SCML2: variants seen among roughly 807,000 people sequenced by gnomAD.
The protein encoded by SCML2 is Scm polycomb group protein like 2, also known as sex comb on midleg-like protein 2.
A neutral mutation model predicts 48.4 loss-of-function variants in SCML2; 6 were observed. That is an observed-to-expected ratio of 0.12 (90% CI 0.07 to 0.24). The LOEUF (loss-of-function observed/expected upper bound fraction) is 0.24. SCML2 is among the 10% of genes least tolerant of loss of function. The pLI, the probability that SCML2 is intolerant of heterozygous loss-of-function variation, is 1.00. For missense variants in SCML2, 377 were observed against 528.2 expected, an observed-to-expected ratio of 0.71 and a Z score of 2.81; for synonymous variants, 181 against 189.5, an observed-to-expected ratio of 0.95 and a Z score of 0.37.
In SCML2 at chrX:18,331,259, CAAAAAAAAAAAAAAAA is replaced by C. The variant is rs35589774; in HGVS notation, c.23-620_23-605del. On this transcript the variant is annotated intron_variant, in intron 2 of 14. Transcript: ENST00000251900. ...TGGGTGACAGAGCGAGACTCCGTCT[CAAAAAAAAAAAAAAAA>C]AAAAAAAAAAAAAAATCAGTGCATC... is the stretch of plus-strand genomic sequence containing the variant. Among the ~76,000 whole-genome samples, 142 of 16,265 alleles carry C rather than the reference CAAAAAAAAAAAAAAAA, an allele frequency of 8.7e-3. 1 individual carries two copies. Among genetic ancestry groups the C allele is most frequent in the Middle Eastern group, 0.17 (2 of 12 alleles). 14.1% of individuals were successfully genotyped at this position (16,265 alleles called of 115,157 possible). A position where few individuals can be genotyped will look rare whatever the true frequency, so the allele number is the denominator to read the frequency against.
rs369488433 is a variant in SCML2 at position 18,250,918 on chromosome X, T to A, written c.1457-3036A>T. On this transcript the variant is annotated intron_variant, in intron 11 of 14. Transcript: ENST00000251900. ...AAGGCAAAGGAGGAGCAAAGGCACG[T>A]CTTACATGGCAGCAGGCGGAAGTGC... 8.2e-5 allele frequency among the ~76,000 whole-genome samples: 9 copies of A among 109,837 alleles called. No individual in the cohort carries two copies. The South Asian group carries it at 2.4e-3, about 30-fold the overall frequency.
At chrX:18,333,930 C>A (rs1172395812) in intron 2 of SCML2, 120 bp downstream of exon 2, 2 of 549,106 alleles carry the variant, frequency 3.6e-6, no homozygotes, top group Non-Finnish European at 5.6e-6. Context: ...ATTCTAAGCA[C>A]CTAGCATCTC....
chrX:18,265,556 A>C, intron 8 of SCML2, 29 bp downstream of exon 8: 1 of 1,087,796 alleles, frequency 9.2e-7, no homozygotes. Context: ...AAAAACCTAT[A>C]ATACAAATTA....
At chrX:18,250,976 T>A (rs1157349738) in intron 11 of SCML2, among the ~76,000 whole-genome samples, 1 of 109,829 alleles carries the variant, frequency 9.1e-6, no homozygotes, top group African/African-American at 3.3e-5. Context: ...TATAAAACCA[T>A]CAGATCTCAT....
At chrX:18,335,567 G>C (rs1376703479) in intron 1 of SCML2, among the ~76,000 whole-genome samples, 1 of 111,475 alleles carries the variant, frequency 9.0e-6, no homozygotes, top group African/African-American at 3.3e-5. Flanking sequence ...TAAACTGAGG[G>C]ATGGGTCACA....
chrX:18,262,048 T>C (rs1927083014), intron 8 of SCML2, among the ~76,000 whole-genome samples: 1 of 109,197 alleles, frequency 9.2e-6, no homozygotes, highest in African/African-American at 3.5e-5. Context: ...ATGTTATTTT[T>C]TTTCCATACA....
chrX:18,339,431 G>A (rs1341933490), intron 1 of SCML2, among the ~76,000 whole-genome samples: 1 of 111,566 alleles, frequency 9.0e-6, no homozygotes, highest in Non-Finnish European at 1.9e-5. Context: ...CTTTTGGGCC[G>A]GGCACCATGG....
In SCML2 at chrX:18,275,046, T is replaced by TC. The variant is rs773711791; in HGVS notation, c.731-9245dup. On this transcript the variant is annotated intron_variant, in intron 7 of 14. Transcript: ENST00000251900. ...AAATTTTAACTCTATGACCTGGAAG[T>TC]CCCCCCACCTTCGAGCTGTCCCACC... Among the ~76,000 whole-genome samples the TC allele has an allele frequency of 3.6e-5, 4 of 111,579 alleles. No individual in the cohort carries two copies. In the South Asian group the frequency reaches 1.5e-3, roughly 42 times the overall value.
At chrX:18,287,332 ATATATTGAAAGGATCTATAGTTTTGAT>A (rs1569149541) in intron 7 of SCML2, among the ~76,000 whole-genome samples, 1 of 111,586 alleles carries the variant, frequency 9.0e-6, no homozygotes, top group Non-Finnish European at 1.9e-5. Flanking sequence ...CCAAAACCAA[ATATATTGAAAGGATCTATAGTTTTGAT>A]TCACTCCCTC....
At chrX:18,341,342 C>T (rs1192881886) in intron 1 of SCML2, 4 of 362,038 alleles carry the variant, frequency 1.1e-5, no homozygotes, top group African/African-American at 2.6e-5. Flanking sequence ...GGTGAAATTT[C>T]CTAAGAGCCT....
chrX:18,286,760 C>T (rs927612168), intron 7 of SCML2, among the ~76,000 whole-genome samples: 1 of 110,860 alleles, frequency 9.0e-6, no homozygotes, highest in Non-Finnish European at 1.9e-5. Flanking sequence ...GTACCCAAAA[C>T]GAGCACAAAA....
chrX:18,329,078 T>C (rs910676996), intron 3 of SCML2, among the ~76,000 whole-genome samples: 5 of 111,619 alleles, frequency 4.5e-5, no homozygotes, highest in Admixed American at 9.6e-5. Flanking sequence ...TGTTCTAAAA[T>C]TGACTGTGGT....
rs1158859115 is a variant in SCML2 at position 18,304,923 on chromosome X, C to A, written c.730+49G>T. The A allele has an allele frequency of 6.0e-6, 7 of 1,163,541 alleles. No homozygotes were observed. The East Asian group carries it at 1.2e-4, about 20-fold the overall frequency. On this transcript the variant is annotated intron_variant, in intron 7 of 14. Coordinates refer to ENST00000251900, the MANE Select transcript of SCML2 (RefSeq NM_006089.3). ...ATCACAATGCCACCAATGACAGTTA[C>A]ATCTAACTTCAATAAAGTAGAAGAA...
chrX:18,325,758 A>G (rs1929459363), intron 3 of SCML2, among the ~76,000 whole-genome samples: 1 of 112,116 alleles, frequency 8.9e-6, no homozygotes, highest in Non-Finnish European at 1.9e-5. Context: ...TGACAGTAGT[A>G]GTGAACAAAC....
At chrX:18,293,362 G>A (rs1386620133) in intron 7 of SCML2, among the ~76,000 whole-genome samples, 2 of 111,092 alleles carry the variant, frequency 1.8e-5, no homozygotes, top group Non-Finnish European at 3.8e-5. Context: ...AATCACACAT[G>A]CATTATCTTT....
intron 6 of SCML2, among the ~76,000 whole-genome samples, chrX:18,306,448 C>G (rs1264045445): frequency 9.0e-6 from 1 of 111,723 alleles, no homozygotes; most frequent in Non-Finnish European, 1.9e-5. Flanking sequence ...CCCTGACCAA[C>G]CCCTGCCCAC....
chrX:18,256,559 A>T (rs1290787133), intron 11 of SCML2, among the ~76,000 whole-genome samples: 1 of 112,105 alleles, frequency 8.9e-6, no homozygotes, highest in Non-Finnish European at 1.9e-5. Context: ...TGAGGATTAT[A>T]AAAGTCAGTA....
In SCML2 at chrX:18,260,483, C is replaced by A. The variant is rs771265325; in HGVS notation, c.949-192G>T. Among the ~76,000 whole-genome samples, 242 of 111,380 alleles carry A rather than the reference C, an allele frequency of 2.2e-3. 1 individual carries two copies. Among genetic ancestry groups the A allele is most frequent in the African/African-American group, 7.7e-3 (235 of 30,359 alleles). The stretch of plus-strand genomic sequence containing the variant: ...ACTGAGCTTCTCAGAGGACCACAAA[C>A]TGTCCAGGTAGGGGAGAAAGAGACC... On this transcript the variant is annotated intron_variant, in intron 8 of 14. Transcript: ENST00000251900.
chrX:18,265,840 C>T (rs756373639), intron 7 of SCML2, 38 bp from the exon 8 acceptor site: 1 of 1,009,428 alleles, frequency 9.9e-7, no homozygotes, highest in Non-Finnish European at 1.4e-6. Flanking sequence ...AAGTAAATGA[C>T]ACAATTAAGG....
Sources: gnomAD v4.1 joint callset for allele counts (sites outside exome capture counted in the v4.1 genomes callset) on GRCh38, gnomAD v4.1.1 for gene constraint, MANE v1.5 for transcripts, NCBI Gene and HGNC (gene_info 2026-07-23, HGNC 2026-07-21) for gene names.